Variants in C3orf52 observed in about 807,000 individuals in gnomAD.
The protein encoded by C3orf52 is chromosome 3 open reading frame 52, also known as TPA-induced transmembrane protein.
C3orf52 carries 22 observed loss-of-function variants against 24.8 expected under a neutral mutation model. The ratio of observed to expected loss-of-function variants is 0.89; its 90% CI spans 0.63 to 1.27. The LOEUF is 1.27. C3orf52 is among the 50% of genes most tolerant of loss of function. The pLI, the probability that C3orf52 is intolerant of heterozygous loss-of-function variation, is 0.00. For synonymous variants in C3orf52, 93 were observed against 100.2 expected (o/e 0.93, Z 0.43); for missense variants, 265 against 260.7 (o/e 1.02, Z -0.11).
chr3:112,099,981 A>G (rs1031925745), intron 2 of C3orf52, among the ~76,000 whole-genome samples: 6 of 152,250 alleles, frequency 3.9e-5, no homozygotes, highest in African/African-American at 1.4e-4. Context: ...CCTGGCTAAC[A>G]AATAGCCAAC....
chr3:112,127,743 G>A (rs1040513646), intron 4 of C3orf52, among the ~76,000 whole-genome samples: 3 of 152,198 alleles, frequency 2.0e-5, no homozygotes, highest in African/African-American at 7.2e-5. Context: ...CAGATTTGCA[G>A]TGTGAAAAAA....
intron 3 of C3orf52, among the ~76,000 whole-genome samples, chr3:112,104,897 C>T (rs999755801): frequency 7.2e-5 from 11 of 152,148 alleles, no homozygotes; most frequent in Admixed American, 3.9e-4. Context: ...CTGAGTGAGA[C>T]GCTTCTTGCT....
intron 1 of C3orf52, 79 bp downstream of exon 1, chr3:112,086,624 C>T: frequency 2.0e-6 from 3 of 1,488,442 alleles, no homozygotes; most frequent in East Asian, 5.0e-5. Flanking sequence ...CCGCGAGTTT[C>T]GGGTTTCCAG....
downstream of C3orf52, chr3:112,130,646 A>G (rs2074431274): frequency 1.3e-6 from 1 of 768,680 alleles, no homozygotes; most frequent in South Asian, 1.5e-5. Flanking sequence ...GCCCTCACAC[A>G]TGTTAATACT....
intron 2 of C3orf52, 101 bp from the exon 3 acceptor site, chr3:112,102,737 T>A: frequency 1.8e-6 from 2 of 1,105,928 alleles, no homozygotes; most frequent in South Asian, 3.3e-5. Context: ...TTGATGCTCA[T>A]AGTTATGTTT....
chr3:112,127,166 T>C, intron 4 of C3orf52: 1 of 570,352 alleles, frequency 1.8e-6, no homozygotes, highest in South Asian at 2.5e-5. Context: ...TCAGCATAGA[T>C]GAGTTAAGTA....
intron 1 of C3orf52, among the ~76,000 whole-genome samples, chr3:112,092,837 T>C (rs1385326451): frequency 6.6e-6 from 1 of 152,186 alleles, no homozygotes; most frequent in Non-Finnish European, 1.5e-5. Flanking sequence ...TTCTTGGTGT[T>C]TCCACTCTAA....
In C3orf52 at chr3:112,124,831, G is replaced by A. The variant is rs573494818; in HGVS notation, c.*47-3402G>A. ...AGACTTGGTTTTGAATCCTGGTTCC[G>A]CCCCCTTTTAGCTATTTGGCTTTGG... On this transcript the variant is annotated intron_variant, in intron 4 of 4. Coordinates refer to the C3orf52 transcript ENST00000480282. 7.9e-5 allele frequency among the ~76,000 whole-genome samples: 12 copies of A among 152,162 alleles called. No homozygotes were observed. In the South Asian group the frequency reaches 8.3e-4, roughly 11 times the overall value.
intron 1 of C3orf52, among the ~76,000 whole-genome samples, chr3:112,091,958 C>T (rs1172755827): frequency 6.6e-6 from 1 of 151,168 alleles, no homozygotes; most frequent in Non-Finnish European, 1.5e-5. Flanking sequence ...GAGCGGAGAT[C>T]GTGCTGCTGC....
intron 3 of C3orf52, among the ~76,000 whole-genome samples, chr3:112,103,170 A>T (rs41270437): frequency 6.6e-6 from 1 of 151,950 alleles, no homozygotes; most frequent in African/African-American, 2.4e-5. Context: ...TGATGAGAAC[A>T]CATGGACACG....
chr3:112,119,179 TC>T (rs1441737688), downstream of C3orf52, among the ~76,000 whole-genome samples: 3 of 151,992 alleles, frequency 2.0e-5, no homozygotes, highest in Admixed American at 2.0e-4. Context: ...GGTTAGGAGC[TC>T]GAGACCAGCC....
chr3:112,123,755 G>A (rs1282460078), intron 4 of C3orf52: 1 of 1,612,856 alleles, frequency 6.2e-7, no homozygotes, highest in South Asian at 1.1e-5. Flanking sequence ...CCTCTGAGTA[G>A]GTCTGGTCAA....
chr3:112,111,868 C>T (rs1038919742), intron 4 of C3orf52: 3 of 152,236 alleles, frequency 2.0e-5, no homozygotes, highest in African/African-American at 7.2e-5. Flanking sequence ...AGTCCTGACT[C>T]TCCATTATTC....
At chr3:112,123,798 C>G (rs2074248939) in intron 4 of C3orf52, 2 of 1,596,712 alleles carry the variant, frequency 1.3e-6, no homozygotes, top group Non-Finnish European at 1.7e-6. Flanking sequence ...GAACCATCAT[C>G]AAGATTTGGT....
Position 112,116,829 on chromosome 3 carries a change from TC to T in C3orf52, c.*186del. On this transcript the variant is annotated 3_prime_UTR_variant, in exon 6 of 6. Coordinates refer to ENST00000264848, the MANE Select transcript of C3orf52 (RefSeq NM_024616.3). ...CTGGCTCTAAGCCCAGTAAAACAGC[TC>T]CCGAGCACTGCTTCAGCTGGGTCCA... is the stretch of plus-strand genomic sequence containing the variant. 6.5e-7 allele frequency: 1 copy of T among 1,537,916 alleles called. No individual in the cohort carries two copies.
rs571071023 is a variant in C3orf52 at position 112,098,054 on chromosome 3, A to G, written c.268+4565A>G. On this transcript the variant is annotated intron_variant, in intron 2 of 5. Transcript: ENST00000264848. ...CTAGCATCCTCTCTCCTTCAAAGCA[A>G]TCTTCCATCAGGATTCTTGCTACTT... is the stretch of plus-strand genomic sequence containing the variant. Among the ~76,000 whole-genome samples, 13 of 152,296 alleles carry G rather than the reference A, an allele frequency of 8.5e-5. No homozygotes were observed. In the East Asian group the frequency reaches 2.3e-3, roughly 27 times the overall value.
chr3:112,088,726 T>C (rs572597805), intron 1 of C3orf52, among the ~76,000 whole-genome samples: 3 of 152,368 alleles, frequency 2.0e-5, no homozygotes, highest in Non-Finnish European at 4.4e-5. Context: ...ATATATAATT[T>C]ATACTCATTT....
chr3:112,090,026 T>A (rs1178740587), intron 1 of C3orf52, among the ~76,000 whole-genome samples: 1 of 152,190 alleles, frequency 6.6e-6, no homozygotes, highest in Non-Finnish European at 1.5e-5. Context: ...TGGCCTCTCC[T>A]CACGATCTAG....
At chr3:112,121,915 T>C (rs1049069162), downstream of C3orf52, 1 of 152,232 alleles carries the variant, frequency 6.6e-6, no homozygotes, top group Non-Finnish European at 1.5e-5. Context: ...GTCGCTTAGC[T>C]GGTCCAAGGG....
Sources: gnomAD v4.1 joint callset for allele counts (sites outside exome capture counted in the v4.1 genomes callset) on GRCh38, gnomAD v4.1.1 for gene constraint, MANE v1.5 for transcripts, NCBI Gene and HGNC (gene_info 2026-07-23, HGNC 2026-07-21) for gene names.